DPYD: variants seen among roughly 807,000 people sequenced by gnomAD.
The protein encoded by DPYD is dihydropyrimidine dehydrogenase [NADP(+)].
In DPYD, 109 loss-of-function variants were observed where a neutral mutation model predicts 116.2. That is an observed-to-expected ratio of 0.94 (90% CI 0.80 to 1.10). The LOEUF (loss-of-function observed/expected upper bound fraction) is 1.10, where lower values mean the gene tolerates loss of function less well. Among genes scored for constraint, DPYD ranks in the 50% least tolerant of loss-of-function variants. The probability of loss-of-function intolerance (pLI) is 0.00; values close to 1 mark genes in which losing one functional copy is unlikely to be tolerated. For missense variants in DPYD, 1,302 were observed against 1,254.5 expected (o/e 1.04, Z -0.57); for synonymous variants, 440 against 432.0 (o/e 1.02, Z -0.23).
chr1:97,359,823 AG>A (rs1228753664), intron 16 of DPYD, among the ~76,000 whole-genome samples: 1 of 152,248 alleles, frequency 6.6e-6, no homozygotes, highest in African/African-American at 2.4e-5. Context: ...AAACATGGAA[AG>A]GAACAACCAG....
intron 3 of DPYD, among the ~76,000 whole-genome samples, chr1:97,811,003 G>A (rs975097052): frequency 6.6e-5 from 10 of 151,966 alleles, no homozygotes; most frequent in African/African-American, 2.4e-4. Flanking sequence ...TCTACCCCAT[G>A]CCCACAAATA....
intron 3 of DPYD, among the ~76,000 whole-genome samples, chr1:97,783,291 T>A (rs1181355128): frequency 1.3e-5 from 2 of 152,308 alleles, no homozygotes; most frequent in Non-Finnish European, 2.9e-5. Context: ...GAAAATCAGA[T>A]GTGCTTTATC....
intron 13 of DPYD, among the ~76,000 whole-genome samples, chr1:97,456,709 T>C (rs1353299228): frequency 6.6e-6 from 1 of 152,094 alleles, no homozygotes; most frequent in East Asian, 1.9e-4. Context: ...ACTAGTATTA[T>C]AGGAATCTGT....
intron 21 of DPYD, among the ~76,000 whole-genome samples, chr1:97,096,579 A>G (rs1223001387): frequency 6.6e-6 from 1 of 152,128 alleles, no homozygotes; most frequent in East Asian, 1.9e-4. Flanking sequence ...GCACTCTGTA[A>G]CTAGGATTGT....
At chr1:97,262,367 T>G (rs946968428) in intron 18 of DPYD, among the ~76,000 whole-genome samples, 1 of 152,054 alleles carries the variant, frequency 6.6e-6, no homozygotes, top group African/African-American at 2.4e-5. Flanking sequence ...GCATGTAAAA[T>G]GCTCCACATA....
intron 14 of DPYD, among the ~76,000 whole-genome samples, chr1:97,436,852 G>A (rs532263129): frequency 6.6e-6 from 1 of 151,906 alleles, no homozygotes; most frequent in Non-Finnish European, 1.5e-5. Context: ...AACTTGAAGA[G>A]TTGGGTAGGG....
At chr1:97,896,856 A>T (rs1183748797) in intron 1 of DPYD, among the ~76,000 whole-genome samples, 1 of 151,868 alleles carries the variant, frequency 6.6e-6, no homozygotes. Flanking sequence ...GTCTTCAAAG[A>T]TTATTCATAT....
chr1:97,222,999 A>C (rs1023794713), intron 19 of DPYD, among the ~76,000 whole-genome samples: 1 of 151,970 alleles, frequency 6.6e-6, no homozygotes, highest in South Asian at 2.1e-4. Flanking sequence ...TAGGGTGCAA[A>C]ATTTTTATCA....
chr1:97,232,399 T>C (rs1258260665), intron 19 of DPYD, among the ~76,000 whole-genome samples: 1 of 152,196 alleles, frequency 6.6e-6, no homozygotes, highest in Non-Finnish European at 1.5e-5. Context: ...AGCTGCCCTC[T>C]TTGGAAGTCT....
intron 1 of DPYD, among the ~76,000 whole-genome samples, chr1:97,891,422 G>GA (rs376249646): frequency 0.011 from 87 of 7,596 alleles, no homozygotes; most frequent in Admixed American, 0.018. Flanking sequence ...TCCAGACGCA[G>GA]AAAAAAAAAT....
chr1:97,425,629 T>C (rs1270191871), intron 14 of DPYD, among the ~76,000 whole-genome samples: 1 of 152,174 alleles, frequency 6.6e-6, no homozygotes, highest in African/African-American at 2.4e-5. Flanking sequence ...TCATATATGG[T>C]TGGGATCCTA....
chr1:97,784,690 G>T (rs1666928345), intron 3 of DPYD, among the ~76,000 whole-genome samples: 1 of 152,032 alleles, frequency 6.6e-6, no homozygotes, highest in Non-Finnish European at 1.5e-5. Flanking sequence ...TTCCTTTTCA[G>T]ACAGTCTCTT....
chr1:97,329,722 C>T (rs937589583), intron 16 of DPYD, among the ~76,000 whole-genome samples: 1 of 147,670 alleles, frequency 6.8e-6, no homozygotes, highest in Admixed American at 6.8e-5. Flanking sequence ...CACTGCACTC[C>T]AGCCTGGGCG....
chr1:97,347,095 C>T (rs1427957173), intron 16 of DPYD, among the ~76,000 whole-genome samples: 2 of 151,374 alleles, frequency 1.3e-5, no homozygotes, highest in African/African-American at 4.9e-5. Context: ...CATTTTTTAT[C>T]TCTTTATTTT....
At chr1:97,128,589 C>T (rs1387755931) in intron 20 of DPYD, among the ~76,000 whole-genome samples, 1 of 152,032 alleles carries the variant, frequency 6.6e-6, no homozygotes, top group Non-Finnish European at 1.5e-5. Flanking sequence ...TGAAGAGAAA[C>T]ATGTTTATGA....
chr1:97,428,463 G>T (rs1256360274), intron 14 of DPYD, among the ~76,000 whole-genome samples: 2 of 152,052 alleles, frequency 1.3e-5, no homozygotes, highest in African/African-American at 4.8e-5. Context: ...TGAATACAAT[G>T]AATCAGATAC....
At chr1:97,688,474 C>A (rs115060176) in intron 7 of DPYD, among the ~76,000 whole-genome samples, 4,222 of 151,648 alleles carry the variant, frequency 0.028, 78 homozygotes, top group African/African-American at 0.053. Flanking sequence ...AACTTATAGA[C>A]GATATGAAGA....
At chr1:97,188,261 A>G (rs1330725103) in intron 20 of DPYD, among the ~76,000 whole-genome samples, 1 of 152,124 alleles carries the variant, frequency 6.6e-6, no homozygotes, top group Admixed American at 6.6e-5. Context: ...TATTAATATC[A>G]CCAATATGTA....
At chr1:97,795,399 A>G (rs1374026433) in intron 3 of DPYD, among the ~76,000 whole-genome samples, 4 of 152,070 alleles carry the variant, frequency 2.6e-5, no homozygotes, top group Non-Finnish European at 5.9e-5. Flanking sequence ...AGAATGATAA[A>G]TAAATACATA....
Sources: allele counts gnomAD v4.1 joint callset (sites outside exome capture counted in the v4.1 genomes callset), GRCh38; gene constraint gnomAD v4.1.1; transcripts MANE v1.5; gene names NCBI Gene and HGNC (gene_info 2026-07-23, HGNC 2026-07-21).